ANKRD28: variants seen among roughly 807,000 people sequenced by gnomAD.
The protein encoded by ANKRD28 is ankyrin repeat domain 28.
ANKRD28 carries 44 observed loss-of-function variants against 126.5 expected under a neutral mutation model. The observed-to-expected ratio is 0.35, with a 90% CI of 0.27 to 0.45. The LOEUF (loss-of-function observed/expected upper bound fraction) is 0.45, where lower values mean the gene tolerates loss of function less well. ANKRD28 is among the 20% of genes least tolerant of loss of function. ANKRD28 has a pLI of 1.00. For missense variants in ANKRD28, 1,110 were observed against 1,316.6 expected, an observed-to-expected ratio of 0.84 and a Z score of 2.43; for synonymous variants, 442 against 468.5, an observed-to-expected ratio of 0.94 and a Z score of 0.73.
upstream of ANKRD28, among the ~76,000 whole-genome samples, chr3:15,801,828 T>C (rs571827427): frequency 2.0e-5 from 3 of 152,292 alleles, no homozygotes; most frequent in Admixed American, 2.0e-4. The surrounding 1 kb of genome is among the most constrained non-coding windows in gnomAD (Gnocchi z 4.9). Flanking sequence ...GCAGGTAATA[T>C]ATTTATGATC....
chr3:15,694,124 A>T (rs1242835485), intron 17 of ANKRD28, among the ~76,000 whole-genome samples: 1 of 152,114 alleles, frequency 6.6e-6, no homozygotes, highest in Non-Finnish European at 1.5e-5. Context: ...CTAGATTAGG[A>T]TCTACTTGAA....
upstream of ANKRD28, among the ~76,000 whole-genome samples, chr3:15,799,904 C>CTGGAAGGG (rs1235775713): frequency 4.6e-5 from 7 of 151,932 alleles, no homozygotes; most frequent in African/African-American, 1.5e-4. Context: ...TCACGAGACT[C>CTGGAAGGG]TGGAAGGGTG....
At chr3:15,798,027 T>C (rs2060355945), upstream of ANKRD28, 3 of 985,378 alleles carry the variant, frequency 3.0e-6, no homozygotes, top group Non-Finnish European at 3.6e-6. Context: ...AAAAAAATAG[T>C]GCATTTGGAC....
chr3:15,797,259 C>T lies in ANKRD28; in HGVS notation c.-738G>A. 1.0e-6 allele frequency: 1 copy of T among 982,416 alleles called. No individual in the cohort carries two copies. The highest frequency in any genetic ancestry group is 5.3e-4 in the Middle Eastern group (1 of 1,902). The allele number at this position is 982,416 out of a possible 1,614,324, so 60.9% of individuals were successfully genotyped here. ...TAATAGCAAAGCTGCAGTACGTTTA[C>T]ATGTGATGAGTCAGACCACAAGAGA... On this transcript the variant is annotated 5_prime_UTR_variant, in exon 1 of 28. It removes an upstream start codon present in the reference 5' UTR. Coordinates refer to ENST00000683139, the MANE Select transcript of ANKRD28 (RefSeq NM_001349278.2).
chr3:15,792,584 A>C (rs1477077456), intron 2 of ANKRD28, among the ~76,000 whole-genome samples: 3 of 152,092 alleles, frequency 2.0e-5, no homozygotes, highest in African/African-American at 7.2e-5. Context: ...TGGGGGGTTG[A>C]GTGGGAGGTG....
intron 1 of ANKRD28, among the ~76,000 whole-genome samples, chr3:15,850,204 A>AAAAAATATATATATATATATAT (rs1486394619): frequency 1.8e-5 from 1 of 54,832 alleles, no homozygotes; most frequent in Non-Finnish European, 3.8e-5. Flanking sequence ...AAAAAAAAAA[A>AAAAAATATATATATATATATAT]ATATATATAT....
intron 3 of ANKRD28, among the ~76,000 whole-genome samples, chr3:15,754,995 C>A (rs2058076842): frequency 6.6e-6 from 1 of 151,920 alleles, no homozygotes; most frequent in Non-Finnish European, 1.5e-5. Flanking sequence ...GCGGTGGGCG[C>A]CTGCAATCCA....
chr3:15,813,687 C>G (rs2060773469), intron 1 of ANKRD28, among the ~76,000 whole-genome samples: 1 of 152,194 alleles, frequency 6.6e-6, no homozygotes, highest in Non-Finnish European at 1.5e-5. Flanking sequence ...CCTATCTTCA[C>G]TAGTGCCTGC....
chr3:15,675,918 A>G lies in ANKRD28; in HGVS notation c.2945T>C (p.Val982Ala), dbSNP rs770583085. 1 of 1,611,632 alleles carries G rather than the reference A, an allele frequency of 6.2e-7. No homozygotes were observed. The highest frequency in any genetic ancestry group is 8.5e-7 in the Non-Finnish European group (1 of 1,178,286). ...VQELLGKGASVLAVDENGYTP... is the reference protein window; with the variant it reads ...VQELLGKGASALAVDENGYTP... ...CTTACCATTTTCATCTACTGCAAGC[A>G]CACTTGCTCCTTTTCCCAAAAGTTC... The change falls in exon 27 of 28, where the codon GTG becomes GCG. Residue 982 changes from valine to alanine, a missense_variant. Val to Ala is a moderately conservative substitution (Grantham distance 64). Transcript: ENST00000683139.
At chr3:15,712,262 C>T (rs2072408088) in intron 10 of ANKRD28, 40 bp from the exon 11 acceptor site, 2 of 1,458,764 alleles carry the variant, frequency 1.4e-6, no homozygotes, top group East Asian at 2.5e-5. Flanking sequence ...CATTTTAACA[C>T]AAGAAAAATA....
At position 15,839,838 on chromosome 3, in the gene ANKRD28, A is replaced by G. The variant is rs112926780; in HGVS notation, c.27+19539T>C. Among the ~76,000 whole-genome samples, 13 of 152,222 alleles carry G rather than the reference A, an allele frequency of 8.5e-5. No individual in the cohort carries two copies. The highest frequency in any genetic ancestry group is 1.6e-4 in the Non-Finnish European group (11 of 68,040). ...TCAACTGATGCTGAAAAAGCATTTG[A>G]TAAAATTCAACATCCCTTCATAATA... On this transcript the variant is annotated intron_variant, in intron 1 of 27. Coordinates refer to the ANKRD28 transcript ENST00000399451. This position sits in a 1 kb window ranked among gnomAD's most constrained non-coding sequence, Gnocchi z 4.3.
chr3:15,674,368 G>A (rs988637315), intron 27 of ANKRD28, among the ~76,000 whole-genome samples: 5 of 135,862 alleles, frequency 3.7e-5, no homozygotes, highest in African/African-American at 1.4e-4. Flanking sequence ...GAGGAATCAA[G>A]GATGACTCTA....
In ANKRD28 at chr3:15,790,680, G is replaced by T. The variant is rs557887289; in HGVS notation, c.201+4543C>A. Among the ~76,000 whole-genome samples the T allele has an allele frequency of 1.1e-4, 16 of 152,078 alleles. 1 individual carries two copies. In the South Asian group the frequency reaches 3.3e-3, roughly 32 times the overall value. The stretch of plus-strand genomic sequence containing the variant: ...GCCATATATGACAGACCCACAGCTA[G>T]TATCATGCTGAATGAGGAAAAACTG... On this transcript the variant is annotated intron_variant, in intron 2 of 27. Coordinates refer to ENST00000683139, the MANE Select transcript of ANKRD28 (RefSeq NM_001349278.2).
chr3:15,831,680 G>A (rs192740849), intron 1 of ANKRD28, among the ~76,000 whole-genome samples: 1 of 152,270 alleles, frequency 6.6e-6, no homozygotes, highest in East Asian at 1.9e-4. Context: ...TTCACTTTTA[G>A]CTCTACCTTC....
intron 2 of ANKRD28, among the ~76,000 whole-genome samples, chr3:15,770,951 C>A (rs1341152105): frequency 1.3e-5 from 2 of 152,188 alleles, no homozygotes; most frequent in Non-Finnish European, 2.9e-5. Context: ...AAGCACTTAA[C>A]ACATCTTATT....
intron 2 of ANKRD28, among the ~76,000 whole-genome samples, chr3:15,788,759 TG>T (rs1264795051): frequency 2.0e-5 from 3 of 152,158 alleles, no homozygotes; most frequent in Non-Finnish European, 2.9e-5. Flanking sequence ...TTTATTATTT[TG>T]GTCACGAAAA....
In ANKRD28 at chr3:15,812,821, T is replaced by C. The variant is rs2060744075; in HGVS notation, c.28-17515A>G. On this transcript the variant is annotated intron_variant, in intron 1 of 27. Coordinates refer to the ANKRD28 transcript ENST00000399451. This position sits in a 1 kb window ranked among gnomAD's most constrained non-coding sequence, Gnocchi z 4.1. Reference sequence around the variant, plus strand: ...TTTTTAAAAGGTGATCATGGGTAGGTAATCTAGACCCTCCTGAAAAGGCCA... The same window carrying C: ...TTTTTAAAAGGTGATCATGGGTAGGCAATCTAGACCCTCCTGAAAAGGCCA... Among the ~76,000 whole-genome samples, 1 of 152,146 alleles carries C rather than the reference T, an allele frequency of 6.6e-6. No individual in the cohort carries two copies. Among genetic ancestry groups the C allele is most frequent in the Non-Finnish European group, 1.5e-5 (1 of 68,020 alleles).
At position 15,843,727 on chromosome 3, in the gene ANKRD28, A is replaced by G. The variant is rs983980521; in HGVS notation, c.27+15650T>C. The stretch of plus-strand genomic sequence containing the variant: ...AAACAATACATCTAAATTTCAGATA[A>G]AGATAGAATTAAGAGTACAGTAGGC... On this transcript the variant is annotated intron_variant, in intron 1 of 27. Coordinates refer to the ANKRD28 transcript ENST00000399451. This position sits in a 1 kb window ranked among gnomAD's most constrained non-coding sequence, Gnocchi z 5.2. 1.3e-5 allele frequency among the ~76,000 whole-genome samples: 2 copies of G among 152,020 alleles called. No homozygotes were observed. Among genetic ancestry groups the G allele is most frequent in the Non-Finnish European group, 2.9e-5 (2 of 68,008 alleles).
In ANKRD28 at chr3:15,859,463, CCGA is replaced by C. The variant is rs1381909308; in HGVS notation, c.-63_-61del. The stretch of plus-strand genomic sequence containing the variant: ...TCCTCCGCCGCTGCCGCTGCCGCCG[CCGA>C]CCGGCCCACTGCTCCCGCCCCAGTA... On this transcript the variant is annotated 5_prime_UTR_variant, in exon 1 of 28. Transcript: ENST00000399451. 8.0e-3 allele frequency: 11,548 copies of C among 1,449,942 alleles called. 724 individuals carry two copies. In the African/African-American group the frequency reaches 0.14, roughly 18 times the overall value. The allele number at this position is 1,449,942 out of a possible 1,614,324, so 89.8% of individuals were successfully genotyped here.
Sources: allele counts gnomAD v4.1 joint callset (sites outside exome capture counted in the v4.1 genomes callset), GRCh38; gene constraint gnomAD v4.1.1; non-coding constraint Gnocchi (gnomAD v3.1); transcripts MANE v1.5; gene names NCBI Gene and HGNC (gene_info 2026-07-23, HGNC 2026-07-21).